GRIN2D: variants seen among roughly 807,000 people sequenced by gnomAD.
GRIN2D encodes the protein glutamate receptor ionotropic, NMDA 2D.
GRIN2D carries 37 observed loss-of-function variants against 103.2 expected under a neutral mutation model. That is an observed-to-expected ratio of 0.36 (90% confidence interval 0.28 to 0.47). The LOEUF (loss-of-function observed/expected upper bound fraction) is 0.47. Among genes scored for constraint, GRIN2D ranks in the 20% least tolerant of loss-of-function variants. GRIN2D has a pLI of 1.00. For missense variants in GRIN2D, 1,557 were observed against 1,910.6 expected, an observed-to-expected ratio of 0.81 and a Z score of 3.45; for synonymous variants, 845 against 885.6, an observed-to-expected ratio of 0.95 and a Z score of 0.81.
intron 4 of GRIN2D, among the ~76,000 whole-genome samples, chr19:48,413,551 A>T (rs575740301): frequency 2.2e-4 from 33 of 150,132 alleles, no homozygotes; most frequent in African/African-American, 7.6e-4. Context: ...AATCCCAGCT[A>T]CTTGGGAGGC....
intron 9 of GRIN2D, 55 bp downstream of exon 9, chr19:48,419,414 A>G (rs975201403): frequency 1.3e-6 from 2 of 1,563,602 alleles, no homozygotes; most frequent in African/African-American, 1.4e-5. Context: ...ACAGAGACAG[A>G]GAACTACATT....
At position 48,428,249 on chromosome 19, in the gene GRIN2D, C is replaced by G. The variant is rs532678518; in HGVS notation, c.2252+6304C>G. ...ATGGGTTTTTGCCATGTTGGCCAGG[C>G]TGGTCTCGAACTCCTGACCTCAGGT... On this transcript the variant is annotated intron_variant, in intron 11 of 13. Transcript: ENST00000263269. Among the ~76,000 whole-genome samples the G allele has an allele frequency of 4.6e-5, 7 of 151,878 alleles. No homozygotes were observed. The South Asian group carries it at 1.5e-3, about 32-fold the overall frequency.
chr19:48,415,431 G>T (rs1287583354), intron 7 of GRIN2D, among the ~76,000 whole-genome samples: 1 of 146,160 alleles, frequency 6.8e-6, no homozygotes, highest in Admixed American at 7.0e-5. Context: ...CCAAATTGAG[G>T]AAACACCTGA....
At position 48,405,426 on chromosome 19, in the gene GRIN2D, GT is replaced by G; in HGVS notation, c.1085+74del. ...AACTACCTCAGTATTCACTGAATGA[GT>G]GGCTCAAATGGGCCACATCTGCTCT... is the stretch of plus-strand genomic sequence containing the variant. On this transcript the variant is annotated intron_variant, in intron 4 of 13. Coordinates refer to ENST00000263269, the MANE Select transcript of GRIN2D (RefSeq NM_000836.4). This position sits in a 1 kb window ranked among gnomAD's most constrained non-coding sequence, Gnocchi z 5.1. 1 of 1,401,002 alleles carries G rather than the reference GT, an allele frequency of 7.1e-7. No individual in the cohort carries two copies. The highest frequency in any genetic ancestry group is 9.4e-7 in the Non-Finnish European group (1 of 1,061,620). 86.8% of individuals were successfully genotyped at this position (1,401,002 alleles called of 1,614,324 possible).
At chr19:48,402,742 A>AT (rs1970732607) in intron 3 of GRIN2D, among the ~76,000 whole-genome samples, 2 of 143,486 alleles carry the variant, frequency 1.4e-5, no homozygotes, top group East Asian at 4.1e-4. Context: ...AAAAAAAAAA[A>AT]AAAAAGATTC....
intron 11 of GRIN2D, among the ~76,000 whole-genome samples, chr19:48,430,111 T>C (rs1600989145): frequency 6.6e-6 from 1 of 152,328 alleles, no homozygotes; most frequent in South Asian, 2.1e-4. Context: ...GAATATTCAG[T>C]GTTTACATGT....
At chr19:48,424,989 C>T (rs1052600201) in intron 11 of GRIN2D, among the ~76,000 whole-genome samples, 1 of 152,040 alleles carries the variant, frequency 6.6e-6, no homozygotes, top group Non-Finnish European at 1.5e-5. Flanking sequence ...GCCCTTCCCT[C>T]CAGGAAGGAC....
chr19:48,432,857 C>A (rs1971175089), intron 11 of GRIN2D, among the ~76,000 whole-genome samples: 1 of 149,692 alleles, frequency 6.7e-6, no homozygotes, highest in Non-Finnish European at 1.5e-5. Context: ...GTGGCACGAT[C>A]TCTGCTCACT....
chr19:48,443,162 CG>C lies in GRIN2D; in HGVS notation c.3242del (p.Gly1081AlafsTer437). On this transcript the variant is annotated frameshift_variant, in exon 14 of 14. Transcript: ENST00000263269. LOFTEE classifies it high-confidence loss of function. The surrounding 1 kb of genome is among the most constrained non-coding windows in gnomAD (Gnocchi z 8.9). The part of the protein sequence containing the change: ...QPLLGPGAGG[A>X]GGTGGAGGGA... ...CTGCTGGGGCCAGGCGCGGGCGGCG[CG>C]GGGGGCACGGGGGGCGCAGGCGGAG... The C allele has an allele frequency of 2.0e-6, 2 of 998,050 alleles. No homozygotes were observed. The highest frequency in any genetic ancestry group is 2.4e-6 in the Non-Finnish European group (2 of 835,960). The allele number at this position is 998,050 out of a possible 1,614,324, so 61.8% of individuals were successfully genotyped here.
intron 11 of GRIN2D, among the ~76,000 whole-genome samples, chr19:48,437,888 CCT>C (rs769610081): frequency 4.6e-5 from 7 of 152,140 alleles, no homozygotes; most frequent in Non-Finnish European, 1.0e-4. Flanking sequence ...ATGGGAACTC[CCT>C]GTTAGGATCT....
intron 11 of GRIN2D, among the ~76,000 whole-genome samples, chr19:48,435,320 C>T (rs1427825296): frequency 9.4e-6 from 1 of 106,846 alleles, no homozygotes; most frequent in Non-Finnish European, 1.8e-5. Context: ...TTTTTTGAGA[C>T]GGAGTCTTGC....
chr19:48,432,788 T>A (rs113511345), intron 11 of GRIN2D, among the ~76,000 whole-genome samples: 7,315 of 150,182 alleles, frequency 0.049, 341 homozygotes, highest in African/African-American at 0.12. Flanking sequence ...TTTTTTTTTT[T>A]ATTTCATTTT....
intron 4 of GRIN2D, among the ~76,000 whole-genome samples, chr19:48,410,482 C>T (rs539012948): frequency 4.2e-4 from 59 of 139,598 alleles, no homozygotes; most frequent in Admixed American, 2.9e-3. Context: ...GAGCTGAGAT[C>T]GTGCCACTGC....
intron 4 of GRIN2D, among the ~76,000 whole-genome samples, chr19:48,412,414 G>GAGAAAGAAAAGAA (rs1453825827): frequency 8.6e-6 from 1 of 115,828 alleles, no homozygotes; most frequent in Admixed American, 9.6e-5. Flanking sequence ...AAGAAAGAAA[G>GAGAAAGAAAAGAA]AGAAAGAAAA....
chr19:48,412,481 G>GAAAGAAAGAA (rs975133990), intron 4 of GRIN2D, among the ~76,000 whole-genome samples: 5 of 146,724 alleles, frequency 3.4e-5, no homozygotes, highest in African/African-American at 5.0e-5. Context: ...AAGAAAGAAA[G>GAAAGAAAGAA]AGAGAGAAAG....
intron 7 of GRIN2D, 61 bp downstream of exon 7, chr19:48,415,093 G>C: frequency 7.0e-7 from 1 of 1,432,132 alleles, no homozygotes. Flanking sequence ...GGGCACAGCC[G>C]GGCGTGGTGG....
intron 8 of GRIN2D, among the ~76,000 whole-genome samples, chr19:48,419,028 G>GT (rs1174896124): frequency 2.0e-5 from 3 of 151,302 alleles, no homozygotes; most frequent in Non-Finnish European, 3.0e-5. Context: ...GTACCCTAGG[G>GT]TTTTTTTTCT....
At chr19:48,397,230 G>T (rs1308648617) in intron 2 of GRIN2D, among the ~76,000 whole-genome samples, 1 of 152,116 alleles carries the variant, frequency 6.6e-6, no homozygotes, top group African/African-American at 2.4e-5. Flanking sequence ...TGTGGTCAGG[G>T]TGAGGAGTAA....
chr19:48,419,110 G>T, intron 8 of GRIN2D, 124 bp from the exon 9 acceptor site: 1 of 721,896 alleles, frequency 1.4e-6, no homozygotes, highest in Non-Finnish European at 2.2e-6. Flanking sequence ...AACTCCAGGC[G>T]TCAAGTGATC....
Sources: gnomAD v4.1 joint callset for allele counts (sites outside exome capture counted in the v4.1 genomes callset) on GRCh38, gnomAD v4.1.1 for gene constraint, Gnocchi (gnomAD v3.1) non-coding constraint, MANE v1.5 for transcripts, NCBI Gene and HGNC (gene_info 2026-07-23, HGNC 2026-07-21) for gene names.